Variants in VWA3B observed in about 807,000 individuals in gnomAD.
VWA3B encodes the protein von Willebrand factor A domain containing 3B.
Under a neutral mutation model 158.3 loss-of-function variants are expected in VWA3B, and 138 were observed. The ratio of observed to expected loss-of-function variants is 0.87; its 90% CI spans 0.76 to 1.00. The LOEUF (loss-of-function observed/expected upper bound fraction) is 1.00. Among genes scored for constraint, VWA3B ranks in the 50% least tolerant of loss-of-function variants. The pLI, the probability that VWA3B is intolerant of heterozygous loss-of-function variation, is 0.00. For synonymous variants in VWA3B, 596 were observed against 587.3 expected (o/e 1.01, Z -0.21); for missense variants, 1,555 against 1,565.1 (o/e 0.99, Z 0.11).
chr2:98,117,949 C>A (rs1674656724), intron 3 of VWA3B, among the ~76,000 whole-genome samples: 1 of 152,020 alleles, frequency 6.6e-6, no homozygotes, highest in Non-Finnish European at 1.5e-5. Flanking sequence ...GTTGGCCAGG[C>A]TGGTCTCGAA....
chr2:98,284,964 G>T (rs147134603), intron 22 of VWA3B, among the ~76,000 whole-genome samples: 58 of 152,184 alleles, frequency 3.8e-4, no homozygotes, highest in African/African-American at 1.3e-3. Context: ...CAGTCATTCA[G>T]TCCACTACAG....
chr2:98,124,984 C>A (rs187698067), intron 5 of VWA3B, among the ~76,000 whole-genome samples: 1 of 152,214 alleles, frequency 6.6e-6, no homozygotes, highest in African/African-American at 2.4e-5. Flanking sequence ...GCTTTTTACT[C>A]ACTCTAAAGG....
intron 13 of VWA3B, 145 bp downstream of exon 13, chr2:98,212,173 G>T: frequency 1.7e-6 from 1 of 599,304 alleles, no homozygotes. Flanking sequence ...TCTGAGGTGA[G>T]AAAATACACT....
At chr2:98,174,115 A>G (rs927390959) in intron 8 of VWA3B, among the ~76,000 whole-genome samples, 3 of 152,222 alleles carry the variant, frequency 2.0e-5, no homozygotes, top group African/African-American at 7.2e-5. Context: ...CCTTCATAGA[A>G]GGCATAAGGA....
intron 7 of VWA3B, among the ~76,000 whole-genome samples, chr2:98,140,512 A>G (rs1176754058): frequency 1.3e-5 from 2 of 152,262 alleles, no homozygotes; most frequent in East Asian, 3.9e-4. Flanking sequence ...CTCCTGGGGC[A>G]CTGAATGGGG....
chr2:98,287,589 G>T (rs1259415635), intron 22 of VWA3B, among the ~76,000 whole-genome samples: 2 of 152,146 alleles, frequency 1.3e-5, no homozygotes, highest in Admixed American at 1.3e-4. Context: ...TGGAACTTTA[G>T]AGTTGGACTT....
Position 98,312,436 on chromosome 2 carries a change from G to A in VWA3B, c.*87G>A. On this transcript the variant is annotated 3_prime_UTR_variant, in exon 28 of 28. Transcript: ENST00000477737. Reference sequence around the variant, plus strand: ...CGTTGACACTGAAACTGGCCCCTCCGCGGAGGTAAGGCCGCCCTCCGCGCC... The same window carrying A: ...CGTTGACACTGAAACTGGCCCCTCCACGGAGGTAAGGCCGCCCTCCGCGCC... 1 of 1,498,880 alleles carries A rather than the reference G, an allele frequency of 6.7e-7. No individual in the cohort carries two copies. 92.8% of individuals were successfully genotyped at this position (1,498,880 alleles called of 1,614,324 possible). A position where few individuals can be genotyped will look rare whatever the true frequency, so the allele number is the denominator to read the frequency against.
intron 2 of VWA3B, among the ~76,000 whole-genome samples, chr2:98,110,162 T>TA (rs1559540317): frequency 1.3e-5 from 2 of 151,720 alleles, no homozygotes; most frequent in East Asian, 1.9e-4. Context: ...ATTGGATCTT[T>TA]AAAAAAAATA....
intron 19 of VWA3B, among the ~76,000 whole-genome samples, chr2:98,239,113 T>G (rs566904921): frequency 6.6e-5 from 10 of 152,176 alleles, no homozygotes; most frequent in African/African-American, 1.9e-4. Context: ...GCATCCTTAG[T>G]GTAAAATGTT....
intron 7 of VWA3B, among the ~76,000 whole-genome samples, chr2:98,146,179 G>A (rs755179235): frequency 1.3e-5 from 2 of 152,136 alleles, no homozygotes; most frequent in African/African-American, 2.4e-5. Context: ...ATGTTGGATC[G>A]TAATTGTAAG....
chr2:98,150,266 A>C (rs557422921), intron 7 of VWA3B, among the ~76,000 whole-genome samples: 2 of 152,318 alleles, frequency 1.3e-5, no homozygotes, highest in East Asian at 3.9e-4. Context: ...ATTTCTCCCG[A>C]AAGTTTTTTC....
intron 26 of VWA3B, among the ~76,000 whole-genome samples, chr2:98,304,345 A>G (rs1293804733): frequency 1.3e-5 from 2 of 152,178 alleles, no homozygotes; most frequent in Admixed American, 6.5e-5. Context: ...ACCCAAGTCC[A>G]TGGGGCCAAC....
At chr2:98,231,453 C>A (rs1479517967) in intron 16 of VWA3B, among the ~76,000 whole-genome samples, 1 of 152,152 alleles carries the variant, frequency 6.6e-6, no homozygotes, top group Non-Finnish European at 1.5e-5. Flanking sequence ...ATTTAATCCA[C>A]ACAAATATAC....
At chr2:98,174,265 AT>A (rs1330346043) in intron 8 of VWA3B, among the ~76,000 whole-genome samples, 1 of 152,216 alleles carries the variant, frequency 6.6e-6, no homozygotes, top group Admixed American at 6.5e-5. Context: ...TCCTATTCAC[AT>A]TCCCCAGCTC....
Position 98,298,450 on chromosome 2 carries a change from TG to T in VWA3B, c.3282+420del, listed in dbSNP as rs1689975523. ...TTCTATTCTATTCTATTCTATGCCATGCCATGCCATGCCATGCCATCCCACC... is the reference window on the plus strand; with the variant it reads ...TTCTATTCTATTCTATTCTATGCCATCCATGCCATGCCATGCCATCCCACC... On this transcript the variant is annotated intron_variant, in intron 24 of 27. Coordinates refer to ENST00000477737, the MANE Select transcript of VWA3B (RefSeq NM_144992.5). Among the ~76,000 whole-genome samples the T allele has an allele frequency of 5.3e-5, 8 of 152,030 alleles. No homozygotes were observed. In the South Asian group the frequency reaches 1.0e-3, roughly 20 times the overall value.
In VWA3B at chr2:98,162,898, G is replaced by A; in HGVS notation, c.1036G>A (p.Glu346Lys). 1 of 1,613,980 alleles carries A rather than the reference G, an allele frequency of 6.2e-7. No homozygotes were observed. Among genetic ancestry groups the A allele is most frequent in the Non-Finnish European group, 8.5e-7 (1 of 1,180,046 alleles). The change falls in exon 8 of 28, where the codon GAA (glutamate) becomes AAA (lysine). Residue 346 changes from glutamate (E) to lysine (K), a missense_variant. Physicochemically the swap from Glu to Lys is moderately conservative, Grantham distance 56. Coordinates refer to ENST00000477737, the MANE Select transcript of VWA3B (RefSeq NM_144992.5). ...GTTTCTCGTTTGGCAAGAGATGGAG[G>A]AAGCCTGCAGCACGCTGGCCCAGAT... ...DVFLVWQEME[E>K]ACSTLAQIQR... is the part of the protein sequence containing the mutation.
Position 98,312,285 on chromosome 2 carries a change from T to C in VWA3B, c.3821T>C (p.Leu1274Pro). The change falls in exon 28 of 28, where the codon CTG (leucine) becomes CCG (proline). Residue 1274 changes from leucine (L) to proline (P), a missense_variant. Physicochemically the swap from Leu to Pro is moderately conservative, Grantham distance 98. Transcript: ENST00000477737. ...GCCACACCTCCACCTCGAGCAGCCC[T>C]GCCCTGTACTCTCCAAGCCACCCAC... ...IIATPPPRAA[L>P]PCTLQATHSS... The C allele has an allele frequency of 3.7e-6, 6 of 1,614,118 alleles. No homozygotes were observed. The highest frequency in any genetic ancestry group is 5.1e-6 in the Non-Finnish European group (6 of 1,180,000).
rs765241592 is a variant in VWA3B, at chr2:98,234,709, T to A, written c.2370T>A (p.Ser790Arg). ...CCTCCCTCAGGAGCTCAGCTTGCAGTGAAAGGAAGGATGGCCTCTCCAATG... is the reference window on the plus strand; with the variant it reads ...CCTCCCTCAGGAGCTCAGCTTGCAGAGAAAGGAAGGATGGCCTCTCCAATG... ...QMSSLRSSAC[S>R]ERKDGLSNAS... Residue 790 changes from serine (S) to arginine (R), a missense_variant, in exon 17 of 28, where the codon AGT becomes AGA. Physicochemically the swap from Ser to Arg is moderately radical, Grantham distance 110 (BLOSUM62 -1). Transcript: ENST00000477737. 2.5e-6 allele frequency: 4 copies of A among 1,613,996 alleles called. No homozygotes were observed. In the African/African-American group the frequency reaches 4.0e-5, roughly 16 times the overall value.
chr2:98,217,902 C>T lies in VWA3B; in HGVS notation c.1893C>T (p.Thr631=), dbSNP rs1337900048. 2 of 1,612,462 alleles carry T rather than the reference C, an allele frequency of 1.2e-6. No individual in the cohort carries two copies. Among genetic ancestry groups the T allele is most frequent in the Non-Finnish European group, 1.7e-6 (2 of 1,179,334 alleles). The change falls in exon 14 of 28, where the codon ACC becomes ACT. Residue 631 remains threonine, a synonymous_variant. Transcript: ENST00000477737. ...GTTTTCAGGAAATTCCTATTTATAC[C>T]ATCTCCTTCAATTACAATGATGAGA... ...VKRFQEIPIY[T]ISFNYNDEIA...
Sources: gnomAD v4.1 joint callset for allele counts (sites outside exome capture counted in the v4.1 genomes callset) on GRCh38, gnomAD v4.1.1 for gene constraint, MANE v1.5 for transcripts, NCBI Gene and HGNC (gene_info 2026-07-23, HGNC 2026-07-21) for gene names.